The following AGRN variants were observed in gnomAD, a reference collection of about 807,000 sequenced individuals.
AGRN encodes agrin, also known as agrin proteoglycan.
Under a neutral mutation model 211.0 loss-of-function variants are expected in AGRN, and 106 were observed. The ratio of observed to expected loss-of-function variants is 0.50; its 90% CI spans 0.43 to 0.59. AGRN has a LOEUF of 0.59. AGRN is among the 20% of genes least tolerant of loss of function. The pLI is 0.00. For synonymous variants in AGRN, 1,525 were observed against 1,332.5 expected (o/e 1.14, Z -3.15); for missense variants, 3,040 against 2,982.6 (o/e 1.02, Z -0.45).
rs897012566 is a variant in AGRN, at chr1:1,022,565, G to A, written c.463+103G>A. On this transcript the variant is annotated intron_variant, in intron 2 of 35. Transcript: ENST00000379370. ...GTGCGGGGTCCTTTCGTGCTGTGCCGGAGGCTGCAGCACACGGTGTCTTGT... is the reference window on the plus strand; with the variant it reads ...GTGCGGGGTCCTTTCGTGCTGTGCCAGAGGCTGCAGCACACGGTGTCTTGT... 25 of 828,794 alleles carry A rather than the reference G, an allele frequency of 3.0e-5. No homozygotes were observed. The African/African-American group carries it at 3.7e-4, about 12-fold the overall frequency. The allele number at this position is 828,794 out of a possible 1,614,324, so 51.3% of individuals were successfully genotyped here. A position where few individuals can be genotyped will look rare whatever the true frequency, so the allele number is the denominator to read the frequency against.
chr1:1,052,726 C>T (rs140740412), intron 33 of AGRN: 671 of 138,660 alleles, frequency 4.8e-3, no homozygotes, highest in Non-Finnish European at 7.6e-3. Context: ...GAGGGAGACA[C>T]GCAGGTGTGT....
chr1:1,051,232 A>G, intron 30 of AGRN, 21 bp from the exon 31 acceptor site: 1 of 1,577,410 alleles, frequency 6.3e-7, no homozygotes, highest in Non-Finnish European at 8.6e-7. Context: ...CTGCACAGCC[A>G]CTTACCTGGC....
At position 1,048,233 on chromosome 1, in the gene AGRN, G is replaced by GC; in HGVS notation, c.3979dup (p.Gln1327ProfsTer8). 2 of 1,545,086 alleles carry GC rather than the reference G, an allele frequency of 1.3e-6. No homozygotes were observed. Among genetic ancestry groups the GC allele is most frequent in the African/African-American group, 1.4e-5 (1 of 73,308 alleles). ...CCGTGTGCCCGGACGTCGGCCCCCG[G>GC]CCCCCCAGCAGCCTCCAAAGCCCTG... On this transcript the variant is annotated frameshift_variant, in exon 23 of 36. Transcript: ENST00000379370. LOFTEE classifies it high-confidence loss of function. The surrounding 1 kb of genome is among the most constrained non-coding windows in gnomAD (Gnocchi z 5.9).
Position 1,045,217 on chromosome 1 carries a change from T to C in AGRN, c.2311T>C (p.Tyr771His). The C allele has an allele frequency of 6.2e-7, 1 of 1,612,574 alleles. No homozygotes were observed. Among genetic ancestry groups the C allele is most frequent in the Non-Finnish European group, 8.5e-7 (1 of 1,179,906 alleles). ...CCCCTTACACTGTGCCCAGACGCCC[T>C]ACGGCTGCTGCCAGGACAATATCAC... The part of the protein sequence containing the change: ...VAPLHCAQTP[Y>H]GCCQDNITAA... Residue 771 changes from tyrosine (Y) to histidine (H), a missense_variant, in exon 13 of 36, where the codon TAC becomes CAC. Tyr to His is a moderately conservative substitution (Grantham distance 83). Around this residue, in one of 3 missense-constraint regions of AGRN, gnomAD observed 1,498 missense variants for 1,457.8 expected, o/e 1.03. Coordinates refer to ENST00000379370, the MANE Select transcript of AGRN (RefSeq NM_198576.4).
chr1:1,042,297 C>CTGGGGAGGGTGGAGCCTGTG, intron 7 of AGRN, 135 bp downstream of exon 7: 2 of 1,172,016 alleles, frequency 1.7e-6, no homozygotes, highest in Non-Finnish European at 2.4e-6. Flanking sequence ...TGGGAAGGCT[C>CTGGGGAGGGTGGAGCCTGTG]TGGGGAGGGT....
At chr1:1,035,930 G>A (rs1338470314) in intron 3 of AGRN, among the ~76,000 whole-genome samples, 1 of 152,126 alleles carries the variant, frequency 6.6e-6, no homozygotes, top group Non-Finnish European at 1.5e-5. Context: ...CTGGTGTTTG[G>A]GCCACTGTCA....
chr1:1,041,933 A>T, intron 6 of AGRN, 23 bp from the exon 7 acceptor site: 5 of 1,602,652 alleles, frequency 3.1e-6, no homozygotes, highest in Non-Finnish European at 4.3e-6. Context: ...CCTCTCCGTG[A>T]CTCCCTCACC....
At chr1:1,038,981 G>A (rs1384769632) in intron 3 of AGRN, among the ~76,000 whole-genome samples, 1 of 152,224 alleles carries the variant, frequency 6.6e-6, no homozygotes, top group Non-Finnish European at 1.5e-5. Context: ...TACAGTGGCA[G>A]CAGACGGGCC....
intron 33 of AGRN, chr1:1,052,650 CGT>C (rs1289348177): frequency 1.4e-5 from 2 of 143,976 alleles, no homozygotes; most frequent in African/African-American, 6.3e-5. Flanking sequence ...TGTGTGTGTC[CGT>C]GTGTGTGCAT....
At position 1,047,838 on chromosome 1, in the gene AGRN, C is replaced by A. The variant is rs777331097; in HGVS notation, c.3694C>A (p.Arg1232Ser). The A allele has an allele frequency of 6.2e-7, 1 of 1,605,194 alleles. No individual in the cohort carries two copies. Residue 1232 changes from arginine (R) to serine (S), a missense_variant, in exon 22 of 36, where the codon CGC (arginine) becomes AGC (serine). Physicochemically the swap from Arg to Ser is moderately radical, Grantham distance 110. This residue lies in a region of AGRN where 1,537 missense variants were observed against 1,505.0 expected (regional missense o/e 1.02). Coordinates refer to ENST00000379370, the MANE Select transcript of AGRN (RefSeq NM_198576.4). ...ALLRQIQVSR[R>S]RSLGVRRPLQ... ...GCTCCGGCAGATCCAGGTGTCCAGG[C>A]GCCGGTCCTTGGGGGTGAGGCGGCC...
Position 1,054,497 on chromosome 1 carries a change from G to T in AGRN, c.5926G>T (p.Gly1976Cys). The T allele has an allele frequency of 6.2e-7, 1 of 1,603,606 alleles. No homozygotes were observed. Reference sequence around the variant, plus strand: ...GGTGGGCAATGAGGCCCCTGTGACCGGCTCCTCCCCGCTGGGCGCCACGCA... The same window carrying T: ...GGTGGGCAATGAGGCCCCTGTGACCTGCTCCTCCCCGCTGGGCGCCACGCA... ...LQVGNEAPVT[G>C]SSPLGATQLD... The change falls in exon 35 of 36, where the codon GGC (glycine) becomes TGC (cysteine). Residue 1976 changes from glycine to cysteine, a missense_variant. Physicochemically the swap from Gly to Cys is radical, Grantham distance 159. This residue lies in a region of AGRN where 1,537 missense variants were observed against 1,505.0 expected (regional missense o/e 1.02). Coordinates refer to ENST00000379370, the MANE Select transcript of AGRN (RefSeq NM_198576.4).
chr1:1,025,992 G>T (rs114663692), intron 2 of AGRN, among the ~76,000 whole-genome samples: 6 of 152,116 alleles, frequency 3.9e-5, no homozygotes, highest in Non-Finnish European at 5.9e-5. Flanking sequence ...CCTGGGGGGG[G>T]GCTTTGCTGG....
chr1:1,020,477 C>G, intron 1 of AGRN, 104 bp downstream of exon 1: 1 of 1,156,674 alleles, frequency 8.6e-7, no homozygotes, highest in South Asian at 1.8e-5. Flanking sequence ...GCAGCCCCCG[C>G]TCCGGCTCCC....
intron 2 of AGRN, chr1:1,034,056 T>G: frequency 1.1e-6 from 1 of 933,252 alleles, no homozygotes; most frequent in South Asian, 4.9e-5. Context: ...CGGCGCGGCC[T>G]CCGCAGGCGG....
chr1:1,047,991 A>G, intron 22 of AGRN, 21 bp from the exon 23 acceptor site: 2 of 1,571,336 alleles, frequency 1.3e-6, no homozygotes, highest in Non-Finnish European at 1.7e-6. Flanking sequence ...AGGAAACCCT[A>G]ACAGCTCCCT....
chr1:1,054,173 G>A (rs1213104016), intron 34 of AGRN, among the ~76,000 whole-genome samples, 196 bp downstream of exon 34: 1 of 152,206 alleles, frequency 6.6e-6, no homozygotes, highest in South Asian at 2.1e-4. Flanking sequence ...CGTCTGAAAG[G>A]CATCCCGGCC....
At chr1:1,023,316 A>G (rs1644451841) in intron 2 of AGRN, among the ~76,000 whole-genome samples, 1 of 152,108 alleles carries the variant, frequency 6.6e-6, no homozygotes, top group Admixed American at 6.5e-5. Context: ...TGGACTGTCC[A>G]CTGCTCTTGC....
rs756579775 is a variant in AGRN at position 1,049,789 on chromosome 1, C to T, written c.4738C>T (p.Arg1580Cys). 65 of 1,595,602 alleles carry T rather than the reference C, an allele frequency of 4.1e-5. No homozygotes were observed. The highest frequency in any genetic ancestry group is 3.8e-4 in the East Asian group (17 of 44,170). Residue 1580 changes from arginine to cysteine, a missense_variant, in exon 26 of 36, where the codon CGC becomes TGC. Coordinates refer to ENST00000379370, the MANE Select transcript of AGRN (RefSeq NM_198576.4). ...GTTCCATTGCCAGTGCCCGCCCGGC[C>T]GCGTCGGTGAGGGTGGGGCCGGGGC... ...GRFHCQCPPG[R>C]VGPTCADEKS...
chr1:1,043,495 G>A (rs1339832198), intron 8 of AGRN, 38 bp downstream of exon 8: 3 of 1,601,714 alleles, frequency 1.9e-6, no homozygotes, highest in African/African-American at 1.3e-5. Flanking sequence ...GGGTCGGGGA[G>A]AGAGAGGTTC....
Sources: allele counts gnomAD v4.1 joint callset (sites outside exome capture counted in the v4.1 genomes callset), GRCh38; gene constraint gnomAD v4.1.1; regional missense constraint gnomAD v4.1.1; non-coding constraint Gnocchi (gnomAD v3.1); transcripts MANE v1.5; gene names NCBI Gene and HGNC (gene_info 2026-07-23, HGNC 2026-07-21).